LAMA2: variants seen among roughly 807,000 people sequenced by gnomAD.
LAMA2 encodes the protein laminin subunit alpha-2.
In LAMA2, 269 loss-of-function variants were observed where a neutral mutation model predicts 364.8. The observed-to-expected ratio is 0.74, with a 90% confidence interval of 0.67 to 0.82. The LOEUF is 0.82. Among genes scored for constraint, LAMA2 ranks in the 40% least tolerant of loss-of-function variants. LAMA2 has a pLI of 0.00. For missense variants in LAMA2, 3,807 were observed against 3,873.2 expected (o/e 0.98, Z 0.45); for synonymous variants, 1,379 against 1,370.6 (o/e 1.01, Z -0.14).
intron 27 of LAMA2, among the ~76,000 whole-genome samples, chr6:129,318,547 G>A (rs369062390): frequency 6.6e-6 from 1 of 152,058 alleles, no homozygotes; most frequent in African/African-American, 2.4e-5. Flanking sequence ...GTAGCTCCTC[G>A]GGCTATAAAA....
chr6:129,402,967 A>G (rs1302175935), intron 39 of LAMA2, among the ~76,000 whole-genome samples: 1 of 152,090 alleles, frequency 6.6e-6, no homozygotes, highest in African/African-American at 2.4e-5. Flanking sequence ...GAGACATTAC[A>G]TTTTCTCCTG....
At chr6:129,391,783 G>A (rs1005041218) in intron 36 of LAMA2, 130 bp downstream of exon 36, 10 of 725,902 alleles carry the variant, frequency 1.4e-5, no homozygotes, top group Non-Finnish European at 2.4e-5. Flanking sequence ...TATTTGCTAT[G>A]TTATCTATCA....
chr6:129,423,671 T>C (rs906647217), intron 40 of LAMA2, among the ~76,000 whole-genome samples: 8 of 152,002 alleles, frequency 5.3e-5, no homozygotes, highest in Middle Eastern at 3.2e-3. Context: ...CAAGGATACG[T>C]TGGAAGTTGA....
intron 4 of LAMA2, among the ~76,000 whole-genome samples, chr6:129,131,054 G>T (rs1777445910): frequency 6.6e-6 from 1 of 152,136 alleles, no homozygotes; most frequent in Non-Finnish European, 1.5e-5. Context: ...AGGGAACAGT[G>T]CCTAAACAAC....
chr6:129,449,079 T>A (rs1006299631), intron 45 of LAMA2, among the ~76,000 whole-genome samples: 20 of 152,330 alleles, frequency 1.3e-4, no homozygotes, highest in African/African-American at 4.8e-4. Context: ...AGACTACTGA[T>A]TATGTACTGG....
chr6:129,469,162 G>A (rs1457244255), intron 51 of LAMA2, among the ~76,000 whole-genome samples: 1 of 151,940 alleles, frequency 6.6e-6, no homozygotes, highest in Non-Finnish European at 1.5e-5. Context: ...ACTGTGTTGA[G>A]GAGTTTGCAT....
At chr6:128,900,196 G>C (rs968266096) in intron 1 of LAMA2, among the ~76,000 whole-genome samples, 1 of 152,152 alleles carries the variant, frequency 6.6e-6, no homozygotes, top group Non-Finnish European at 1.5e-5. Context: ...CAAACATCTG[G>C]AGGTCAAGAA....
chr6:129,114,634 T>C (rs1166261151), intron 4 of LAMA2, among the ~76,000 whole-genome samples: 1 of 152,006 alleles, frequency 6.6e-6, no homozygotes, highest in East Asian at 1.9e-4. Context: ...ACATTTAACA[T>C]AAAATCTTTT....
At chr6:129,398,335 A>G (rs1779772020) in intron 37 of LAMA2, among the ~76,000 whole-genome samples, 1 of 152,156 alleles carries the variant, frequency 6.6e-6, no homozygotes, top group Non-Finnish European at 1.5e-5. Context: ...GACTCTTCCC[A>G]CATTTGTTGT....
intron 1 of LAMA2, among the ~76,000 whole-genome samples, chr6:128,905,803 G>A (rs1777422793): frequency 6.9e-6 from 1 of 145,314 alleles, no homozygotes. Context: ...CCCCACAACA[G>A]TCCCCAGAGT....
chr6:129,391,085 G>A (rs970236731), intron 35 of LAMA2, among the ~76,000 whole-genome samples: 44 of 152,094 alleles, frequency 2.9e-4, no homozygotes, highest in African/African-American at 8.9e-4. Context: ...TCCACACTCA[G>A]TATTTTTAAA....
chr6:129,248,245 G>GA (rs1260454742), intron 12 of LAMA2, among the ~76,000 whole-genome samples: 1 of 152,192 alleles, frequency 6.6e-6, no homozygotes, highest in Non-Finnish European at 1.5e-5. Flanking sequence ...TGTGTCCATG[G>GA]AAAAATTGTC....
intron 3 of LAMA2, among the ~76,000 whole-genome samples, chr6:129,090,745 A>G (rs1023708745): frequency 9.9e-5 from 15 of 152,172 alleles, no homozygotes; most frequent in Non-Finnish European, 1.6e-4. Context: ...TGGCACAACC[A>G]CTTTATAGAT....
chr6:129,089,305 A>G (rs887741733), intron 3 of LAMA2, among the ~76,000 whole-genome samples: 4 of 152,318 alleles, frequency 2.6e-5, no homozygotes, highest in South Asian at 2.1e-4. Flanking sequence ...TTAGTCCCCA[A>G]ATGCTTTGAA....
At chr6:129,179,347 T>C (rs1780794168) in intron 10 of LAMA2, among the ~76,000 whole-genome samples, 2 of 152,120 alleles carry the variant, frequency 1.3e-5, no homozygotes, top group African/African-American at 2.4e-5. Flanking sequence ...TTCTAGAATA[T>C]ATAAAATCAA....
intron 12 of LAMA2, among the ~76,000 whole-genome samples, chr6:129,240,251 T>A (rs1170615944): frequency 6.6e-6 from 1 of 152,180 alleles, no homozygotes; most frequent in Non-Finnish European, 1.5e-5. Context: ...AGAATGAGGG[T>A]GGTTCTGTCT....
intron 40 of LAMA2, among the ~76,000 whole-genome samples, chr6:129,407,370 A>G (rs1472622465): frequency 6.6e-6 from 1 of 152,208 alleles, no homozygotes; most frequent in Non-Finnish European, 1.5e-5. Flanking sequence ...ACCTAACATA[A>G]TACAGCTATC....
At chr6:129,171,580 C>T (rs1193952038) in intron 9 of LAMA2, among the ~76,000 whole-genome samples, 2 of 151,912 alleles carry the variant, frequency 1.3e-5, no homozygotes, top group Non-Finnish European at 1.5e-5. Context: ...GAGGGTAACC[C>T]GACCTTTCTC....
chr6:128,988,113 G>A lies in LAMA2; in HGVS notation c.113-61805G>A, dbSNP rs552578104. On this transcript the variant is annotated intron_variant, in intron 1 of 64. Transcript: ENST00000421865. The stretch of plus-strand genomic sequence containing the variant: ...ACTCCTGACCTCGGGTAATCTGCTC[G>A]TCTTGGCCTCCCAAAGTGCTGGGAT... 9.2e-5 allele frequency among the ~76,000 whole-genome samples: 14 copies of A among 152,218 alleles called. 1 individual carries two copies. The highest frequency in any genetic ancestry group is 1.9e-4 in the East Asian group (1 of 5,170).
Sources: allele counts gnomAD v4.1 joint callset (sites outside exome capture counted in the v4.1 genomes callset), GRCh38; gene constraint gnomAD v4.1.1; transcripts MANE v1.5; gene names NCBI Gene and HGNC (gene_info 2026-07-23, HGNC 2026-07-21).